MAST4: variants seen among roughly 807,000 people sequenced by gnomAD.
MAST4 encodes microtubule-associated serine/threonine-protein kinase 4.
A neutral mutation model predicts 162.7 loss-of-function variants in MAST4; 89 were observed. The observed-to-expected ratio is 0.55, with a 90% confidence interval of 0.46 to 0.65. MAST4 has a LOEUF of 0.65. Among genes scored for constraint, MAST4 ranks in the 30% least tolerant of loss-of-function variants. The probability of loss-of-function intolerance (pLI) is 0.00; values close to 1 mark genes in which losing one functional copy is unlikely to be tolerated. For missense variants in MAST4, 3,153 were observed against 3,374.0 expected, an observed-to-expected ratio of 0.93 and a Z score of 1.62; for synonymous variants, 1,479 against 1,361.1, an observed-to-expected ratio of 1.09 and a Z score of -1.91.
intron 4 of MAST4, among the ~76,000 whole-genome samples, chr5:66,962,073 A>G (rs1359084634): frequency 6.6e-6 from 1 of 152,202 alleles, no homozygotes; most frequent in Non-Finnish European, 1.5e-5. Context: ...ATATAATGGG[A>G]GACAAGGATG....
At chr5:66,733,140 A>G (rs1561293120) in intron 1 of MAST4, among the ~76,000 whole-genome samples, 3 of 152,126 alleles carry the variant, frequency 2.0e-5, no homozygotes, top group Admixed American at 6.5e-5. Flanking sequence ...TTTAAACAAA[A>G]ATGGGTTCCT....
At chr5:66,885,246 A>G (rs1761965585) in intron 3 of MAST4, among the ~76,000 whole-genome samples, 1 of 152,214 alleles carries the variant, frequency 6.6e-6, no homozygotes, top group Admixed American at 6.5e-5. Context: ...GGAGGTCAGA[A>G]TGGGGCATAG....
rs1437981484 is a variant in MAST4 at position 66,617,473 on chromosome 5, TTA to T, written c.363+20457_363+20458del. 4.1e-4 allele frequency among the ~76,000 whole-genome samples: 57 copies of T among 140,204 alleles called. 3 individuals are homozygous for T. In the South Asian group the frequency reaches 0.013, roughly 32 times the overall value. 92.0% of individuals were successfully genotyped at this position (140,204 alleles called of 152,430 possible). ...TTGGGTCAGTAAAAGCAGAGAAGGG[TTA>T]TTTTTTTTTTTCCTTTTAAAAGTTT... On this transcript the variant is annotated intron_variant, in intron 1 of 28. Transcript: ENST00000403625.
chr5:66,999,262 A>G (rs1221995797), intron 4 of MAST4, among the ~76,000 whole-genome samples: 1 of 152,210 alleles, frequency 6.6e-6, no homozygotes, highest in Non-Finnish European at 1.5e-5. Context: ...GGCTTCTCCC[A>G]GGAACTTCCC....
chr5:67,094,067 A>T, intron 6 of MAST4: 1 of 720,992 alleles, frequency 1.4e-6, no homozygotes, highest in Non-Finnish European at 2.2e-6. Flanking sequence ...AATTTATCTC[A>T]ATTTCTTTTA....
At chr5:66,962,729 G>A (rs1746166070) in intron 4 of MAST4, among the ~76,000 whole-genome samples, 1 of 150,828 alleles carries the variant, frequency 6.6e-6, no homozygotes, top group Non-Finnish European at 1.5e-5. Context: ...CAAAAGACAG[G>A]AAAGAAACTC....
chr5:66,921,594 TA>T (rs534336372), intron 4 of MAST4, among the ~76,000 whole-genome samples: 1,785 of 151,654 alleles, frequency 0.012, 29 homozygotes, highest in South Asian at 0.053. Context: ...TCATCTCTAC[TA>T]AAAAAAATAC....
At chr5:66,918,868 G>T (rs1294849367) in intron 4 of MAST4, among the ~76,000 whole-genome samples, 1 of 152,136 alleles carries the variant, frequency 6.6e-6, no homozygotes, top group Non-Finnish European at 1.5e-5. Context: ...GATATACTTA[G>T]ATAAAATTGT....
chr5:66,604,816 G>A (rs1196993666), intron 1 of MAST4, among the ~76,000 whole-genome samples: 1 of 152,190 alleles, frequency 6.6e-6, no homozygotes, highest in Non-Finnish European at 1.5e-5. Context: ...TGTACTTGCT[G>A]CAATGCAGGA....
At chr5:66,821,002 T>C (rs766613542) in intron 3 of MAST4, among the ~76,000 whole-genome samples, 2 of 152,226 alleles carry the variant, frequency 1.3e-5, no homozygotes, top group African/African-American at 2.4e-5. Context: ...TAAGAAGTCT[T>C]CAGGATTGCA....
chr5:66,978,365 G>A (rs1436937285), intron 4 of MAST4, among the ~76,000 whole-genome samples: 2 of 152,140 alleles, frequency 1.3e-5, no homozygotes, highest in Non-Finnish European at 2.9e-5. Flanking sequence ...CAGTCTTTAG[G>A]AAGTCTTCTT....
intron 1 of MAST4, among the ~76,000 whole-genome samples, chr5:66,648,518 T>A (rs1181224746): frequency 6.6e-6 from 1 of 152,142 alleles, no homozygotes; most frequent in Admixed American, 6.6e-5. Context: ...GTGACTTTTT[T>A]TTTCTTAAAT....
intron 14 of MAST4, among the ~76,000 whole-genome samples, chr5:67,121,596 G>T (rs1003666113): frequency 2.5e-4 from 38 of 151,058 alleles, no homozygotes; most frequent in African/African-American, 8.3e-4. Flanking sequence ...CCAGTCGTTT[G>T]TCTTCCCTGG....
intron 1 of MAST4, chr5:66,738,129 G>C (rs547249612): frequency 6.6e-6 from 1 of 152,288 alleles, no homozygotes; most frequent in African/African-American, 2.4e-5. Context: ...AAGCACAAAA[G>C]TGTATTTCTT....
chr5:66,962,162 C>G (rs1377927180), intron 4 of MAST4, among the ~76,000 whole-genome samples: 1 of 152,202 alleles, frequency 6.6e-6, no homozygotes, highest in Non-Finnish European at 1.5e-5. Flanking sequence ...CAATGAAGAG[C>G]ACAACCAGCT....
chr5:66,989,812 C>T (rs1749881767), intron 4 of MAST4, among the ~76,000 whole-genome samples: 1 of 152,014 alleles, frequency 6.6e-6, no homozygotes, highest in African/African-American at 2.4e-5. Flanking sequence ...TATCTTAAAT[C>T]TCTGTTTTAA....
At chr5:66,655,253 A>C (rs1303887000) in intron 1 of MAST4, among the ~76,000 whole-genome samples, 1 of 152,160 alleles carries the variant, frequency 6.6e-6, no homozygotes, top group Non-Finnish European at 1.5e-5. Flanking sequence ...AAATAAAAAA[A>C]ATTGGGGTTC....
intron 4 of MAST4, among the ~76,000 whole-genome samples, chr5:66,930,270 C>T (rs1262264853): frequency 6.6e-6 from 1 of 152,182 alleles, no homozygotes; most frequent in Non-Finnish European, 1.5e-5. Flanking sequence ...TTTTCTGCTA[C>T]CTCACATTGA....
rs537485073 is a variant in MAST4 at position 66,753,576 on chromosome 5, A to G, written c.364-6133A>G. On this transcript the variant is annotated intron_variant, in intron 1 of 28. Transcript: ENST00000403625. ...AAGAAATGGATAAATTCCTCAATGC[A>G]TACACCCTCCTAAGACTAAACCAGG... 6.2e-4 allele frequency among the ~76,000 whole-genome samples: 94 copies of G among 151,946 alleles called. 2 individuals carry two copies. Among genetic ancestry groups the G allele is most frequent in the Middle Eastern group, 6.8e-3 (2 of 294 alleles).
Sources: allele counts gnomAD v4.1 joint callset (sites outside exome capture counted in the v4.1 genomes callset), GRCh38; gene constraint gnomAD v4.1.1; transcripts MANE v1.5; gene names NCBI Gene and HGNC (gene_info 2026-07-23, HGNC 2026-07-21).